Variants in CSMD3 observed in about 807,000 individuals in gnomAD.
The protein encoded by CSMD3 is CUB and Sushi multiple domains 3.
A neutral mutation model predicts 435.2 loss-of-function variants in CSMD3; 177 were observed. The observed-to-expected ratio is 0.41, with a 90% CI of 0.36 to 0.46. The LOEUF (loss-of-function observed/expected upper bound fraction) is 0.46. Ranked by LOEUF, CSMD3 falls within the 20% of genes least tolerant of loss-of-function variation. The pLI, the probability that CSMD3 is intolerant of heterozygous loss-of-function variation, is 0.34. For missense variants in CSMD3, 4,265 were observed against 4,504.6 expected, an observed-to-expected ratio of 0.95 and a Z score of 1.52; for synonymous variants, 1,656 against 1,520.5, an observed-to-expected ratio of 1.09 and a Z score of -2.07.
intron 32 of CSMD3, among the ~76,000 whole-genome samples, chr8:112,460,043 C>A (rs1381957343): frequency 6.6e-6 from 1 of 152,084 alleles, no homozygotes; most frequent in Non-Finnish European, 1.5e-5. Context: ...AGCTGTTCCT[C>A]CTCTGTTTAC....
At chr8:112,394,474 G>A (rs1830706048) in intron 35 of CSMD3, among the ~76,000 whole-genome samples, 2 of 152,176 alleles carry the variant, frequency 1.3e-5, no homozygotes, top group South Asian at 2.1e-4. Flanking sequence ...ACTCACCGTG[G>A]TCTTCAAGGA....
chr8:112,335,256 A>G, intron 45 of CSMD3, 73 bp downstream of exon 45: 1 of 1,380,232 alleles, frequency 7.2e-7, no homozygotes, highest in Non-Finnish European at 1.0e-6. Flanking sequence ...GGTTAAATAT[A>G]TATTACATTC....
At chr8:113,264,140 C>G (rs1238430379) in intron 3 of CSMD3, among the ~76,000 whole-genome samples, 3 of 151,092 alleles carry the variant, frequency 2.0e-5, no homozygotes, top group Non-Finnish European at 4.4e-5. Flanking sequence ...TATTTTTTAT[C>G]AGTTTACTAA....
At chr8:112,799,175 A>G (rs929497235) in intron 13 of CSMD3, among the ~76,000 whole-genome samples, 3 of 151,890 alleles carry the variant, frequency 2.0e-5, no homozygotes, top group Non-Finnish European at 2.9e-5. Context: ...GATTTCTTGA[A>G]CTATTCAAAT....
At chr8:112,418,905 G>T (rs1162646612) in intron 32 of CSMD3, among the ~76,000 whole-genome samples, 1 of 152,062 alleles carries the variant, frequency 6.6e-6, no homozygotes, top group South Asian at 2.1e-4. Context: ...TTAAAATATT[G>T]TATAAAATTA....
At chr8:112,338,181 C>T (rs1824757795) in intron 42 of CSMD3, among the ~76,000 whole-genome samples, 1 of 152,072 alleles carries the variant, frequency 6.6e-6, no homozygotes, top group Admixed American at 6.6e-5. Context: ...CTACAGATCA[C>T]AATATACTTC....
rs1219138347 is a variant in CSMD3, at chr8:112,615,997, CA to C, written c.3715+20819del. On this transcript the variant is annotated intron_variant, in intron 22 of 70. Transcript: ENST00000297405. ...CAGTGGCCATGAAGCTTCTTTGTGC[CA>C]CCATCGAAATGGTAATGTTTGGGAA... Among the ~76,000 whole-genome samples, 5 of 152,082 alleles carry C rather than the reference CA, an allele frequency of 3.3e-5. No homozygotes were observed. In the East Asian group the frequency reaches 9.6e-4, roughly 29 times the overall value.
intron 67 of CSMD3, among the ~76,000 whole-genome samples, chr8:112,235,378 T>C (rs1813471295): frequency 6.6e-6 from 1 of 151,726 alleles, no homozygotes; most frequent in Non-Finnish European, 1.5e-5. Flanking sequence ...AGCAAGACTC[T>C]GCCTCAAAAA....
At chr8:113,369,220 C>T (rs1415717822) in intron 1 of CSMD3, among the ~76,000 whole-genome samples, 2 of 151,318 alleles carry the variant, frequency 1.3e-5, no homozygotes. Context: ...CACAGCAGTC[C>T]CAAGGACTGT....
chr8:112,893,099 AACT>A (rs931433300), intron 10 of CSMD3, among the ~76,000 whole-genome samples: 1 of 150,768 alleles, frequency 6.6e-6, no homozygotes, highest in Non-Finnish European at 1.5e-5. Context: ...ACTACTACAA[AACT>A]ACTACTACTA....
At chr8:112,591,292 G>T (rs1831171107) in intron 22 of CSMD3, among the ~76,000 whole-genome samples, 1 of 152,040 alleles carries the variant, frequency 6.6e-6, no homozygotes, top group Admixed American at 6.6e-5. Flanking sequence ...GGCTTTAGTT[G>T]GATTGAAGTG....
intron 13 of CSMD3, among the ~76,000 whole-genome samples, chr8:112,785,449 T>C (rs1004935453): frequency 2.6e-5 from 4 of 151,976 alleles, no homozygotes; most frequent in African/African-American, 9.7e-5. Flanking sequence ...GCATCCAAGT[T>C]GGAAAGAAAG....
intron 7 of CSMD3, 78 bp downstream of exon 7, chr8:112,975,759 C>T: frequency 6.2e-7 from 1 of 1,606,018 alleles, no homozygotes; most frequent in Non-Finnish European, 8.5e-7. Context: ...TCTTTCAGCT[C>T]ATTCTCTAAT....
rs200133573 is a variant in CSMD3 at position 112,655,272 on chromosome 8, AAAAT to A, written c.3004+878_3004+881del. On this transcript the variant is annotated intron_variant, in intron 18 of 70. Transcript: ENST00000297405. ...AAGGGTCATAATTAACTTGAATATTAAAATAAATAATATAATATCTGCATTTGAA... is the reference window on the plus strand; with the variant it reads ...AAGGGTCATAATTAACTTGAATATTAAAATAATATAATATCTGCATTTGAA... Among the ~76,000 whole-genome samples, 617 of 152,238 alleles carry A rather than the reference AAAAT, an allele frequency of 4.1e-3. 10 individuals are homozygous for A. The highest frequency in any genetic ancestry group is 0.014 in the African/African-American group (585 of 41,578).
chr8:112,791,665 A>T (rs1478407293), intron 13 of CSMD3, among the ~76,000 whole-genome samples: 1 of 152,158 alleles, frequency 6.6e-6, no homozygotes, highest in Non-Finnish European at 1.5e-5. Context: ...TCCAGTTTGT[A>T]GAAATTTTAA....
chr8:113,123,541 G>A (rs2091043060), intron 4 of CSMD3, among the ~76,000 whole-genome samples: 1 of 151,974 alleles, frequency 6.6e-6, no homozygotes, highest in Non-Finnish European at 1.5e-5. Context: ...AGAAAACTAA[G>A]TTGGTCACTA....
At chr8:112,831,225 T>TA (rs1187706167) in intron 11 of CSMD3, among the ~76,000 whole-genome samples, 1 of 152,120 alleles carries the variant, frequency 6.6e-6, no homozygotes, top group Non-Finnish European at 1.5e-5. Context: ...GATCATAATT[T>TA]AAAAAATATG....
intron 3 of CSMD3, among the ~76,000 whole-genome samples, chr8:113,272,128 G>T (rs2093532890): frequency 6.6e-6 from 1 of 152,086 alleles, no homozygotes; most frequent in African/African-American, 2.4e-5. Flanking sequence ...GATTTTATGG[G>T]CTCATAGGTG....
intron 22 of CSMD3, among the ~76,000 whole-genome samples, chr8:112,614,632 G>A (rs532761642): frequency 1.3e-5 from 2 of 151,892 alleles, no homozygotes; most frequent in Non-Finnish European, 2.9e-5. Context: ...GTTCCATCTA[G>A]AGCTTTTTAT....
Sources: allele counts gnomAD v4.1 joint callset (sites outside exome capture counted in the v4.1 genomes callset), GRCh38; gene constraint gnomAD v4.1.1; transcripts MANE v1.5; gene names NCBI Gene and HGNC (gene_info 2026-07-23, HGNC 2026-07-21).